CHMP2B: variants seen among roughly 807,000 people sequenced by gnomAD.
CHMP2B encodes VPS2 homolog B.
CHMP2B carries 22 observed loss-of-function variants against 29.8 expected under a neutral mutation model. That is an observed-to-expected ratio of 0.74 (90% CI 0.53 to 1.05). The LOEUF is 1.05. Among genes scored for constraint, CHMP2B ranks in the 50% least tolerant of loss-of-function variants. The pLI is 0.00. For synonymous variants in CHMP2B, 78 were observed against 75.8 expected, an observed-to-expected ratio of 1.03 and a Z score of -0.15; for missense variants, 261 against 252.2, an observed-to-expected ratio of 1.03 and a Z score of -0.24.
intron 5 of CHMP2B, 89 bp downstream of exon 5, chr3:87,253,599 G>A: frequency 2.2e-6 from 3 of 1,342,482 alleles, no homozygotes; most frequent in Admixed American, 1.7e-5. Context: ...GAGGTGCATG[G>A]TTTTTATTTC....
intron 3 of CHMP2B, among the ~76,000 whole-genome samples, chr3:87,249,124 A>T (rs1298608083): frequency 6.6e-6 from 1 of 152,166 alleles, no homozygotes; most frequent in Non-Finnish European, 1.5e-5. Flanking sequence ...GTCCTAGGCT[A>T]CACTGTACTG....
rs1407276314 is a variant in CHMP2B at position 87,253,439 on chromosome 3, G to A, written c.460G>A (p.Asp154Asn). Residue 154 changes from aspartate (D) to asparagine (N), a missense_variant, in exon 5 of 6, where the codon GAT becomes AAT. Asp to Asn is a conservative substitution (Grantham distance 23). Coordinates refer to ENST00000263780, the MANE Select transcript of CHMP2B (RefSeq NM_014043.4). Reference protein sequence around the residue: ...DTLDDIFDGSDDEEESQDIVN... With the variant: ...DTLDDIFDGSNDEEESQDIVN... Reference sequence around the variant, plus strand: ...ACTTGATGACATCTTTGACGGTTCTGATGACGAAGAAGAAAGCCAGGATAT... The same window carrying A: ...ACTTGATGACATCTTTGACGGTTCTAATGACGAAGAAGAAAGCCAGGATAT... The A allele has an allele frequency of 6.2e-7, 1 of 1,611,668 alleles. No homozygotes were observed. Among genetic ancestry groups the A allele is most frequent in the Admixed American group, 1.7e-5 (1 of 59,876 alleles).
At chr3:87,246,199 A>G (rs1308300703) in intron 3 of CHMP2B, among the ~76,000 whole-genome samples, 19 of 151,732 alleles carry the variant, frequency 1.3e-4, no homozygotes, top group Admixed American at 1.2e-3. Context: ...GTGCAGTGGC[A>G]AGATTTTGGC....
chr3:87,238,767 A>G (rs552115024), intron 1 of CHMP2B, among the ~76,000 whole-genome samples: 70 of 152,148 alleles, frequency 4.6e-4, no homozygotes, highest in Non-Finnish European at 8.1e-4. Flanking sequence ...ACATTCATGT[A>G]GAAGTATTTG....
chr3:87,227,476 T>TGGGCCGGACC lies in CHMP2B; in HGVS notation c.-40_-31dup, dbSNP rs757832453. ...TTTTCCTCCTGTCCTTTGCCAGCGT[T>TGGGCCGGACC]GGGCCGGACCGGGCCGAGCCGGGCC... On this transcript the variant is annotated 5_prime_UTR_variant, in exon 1 of 6. Coordinates refer to ENST00000263780, the MANE Select transcript of CHMP2B (RefSeq NM_014043.4). The TGGGCCGGACC allele has an allele frequency of 6.2e-7, 1 of 1,612,920 alleles. No homozygotes were observed. The highest frequency in any genetic ancestry group is 1.7e-5 in the Admixed American group (1 of 60,006).
At chr3:87,234,494 CTGGGTGGCCTTTTCTTA>C (rs947069361) in intron 1 of CHMP2B, among the ~76,000 whole-genome samples, 16 of 152,240 alleles carry the variant, frequency 1.1e-4, no homozygotes, top group African/African-American at 3.9e-4. Context: ...TGGAGCCGGC[CTGGGTGGCCTTTTCTTA>C]AGTGTTGTGC....
chr3:87,236,418 G>GA lies in CHMP2B; in HGVS notation c.35-4272dup, dbSNP rs199638463. Among the ~76,000 whole-genome samples, 286 of 150,774 alleles carry GA rather than the reference G, an allele frequency of 1.9e-3. 8 individuals are homozygous for GA. In the East Asian group the frequency reaches 0.047, roughly 25 times the overall value. On this transcript the variant is annotated intron_variant, in intron 1 of 5. Transcript: ENST00000263780. ...ATATTTTTAATATCACCCTCGTAAT[G>GA]AAAAAAAAATGTATGTAGATAGAAT...
At chr3:87,243,334 G>A (rs1407845941) in intron 2 of CHMP2B, among the ~76,000 whole-genome samples, 1 of 151,948 alleles carries the variant, frequency 6.6e-6, no homozygotes, top group Non-Finnish European at 1.5e-5. Context: ...AAGAATATCT[G>A]CACCTGTGTT....
chr3:87,236,069 T>C (rs2106896501), intron 1 of CHMP2B, among the ~76,000 whole-genome samples: 1 of 152,334 alleles, frequency 6.6e-6, no homozygotes, highest in South Asian at 2.1e-4. Flanking sequence ...GTGTGTGCCA[T>C]CTTCCTAGCA....
Position 87,234,110 on chromosome 3 carries a change from T to C in CHMP2B, c.34+6554T>C, listed in dbSNP as rs1454911730. Reference sequence around the variant, plus strand: ...ATAGTATTACTCACAAATTAATGAATGTCCATATTTATACTTGATAATTAC... The same window carrying C: ...ATAGTATTACTCACAAATTAATGAACGTCCATATTTATACTTGATAATTAC... On this transcript the variant is annotated intron_variant, in intron 1 of 5. Transcript: ENST00000263780. Among the ~76,000 whole-genome samples, 4 of 152,218 alleles carry C rather than the reference T, an allele frequency of 2.6e-5. No homozygotes were observed. In the East Asian group the frequency reaches 7.7e-4, roughly 29 times the overall value.
At chr3:87,243,446 G>A (rs1413711286) in intron 2 of CHMP2B, among the ~76,000 whole-genome samples, 1 of 151,894 alleles carries the variant, frequency 6.6e-6, no homozygotes, top group South Asian at 2.1e-4. Flanking sequence ...TTGCCCAGGC[G>A]GCAGTGCAGT....
chr3:87,238,439 G>A (rs1412902388), intron 1 of CHMP2B, among the ~76,000 whole-genome samples: 1 of 152,084 alleles, frequency 6.6e-6, no homozygotes, highest in Non-Finnish European at 1.5e-5. Flanking sequence ...ATAAAATCCT[G>A]TAACCATTAA....
chr3:87,240,668 TA>T, intron 1 of CHMP2B, 30 bp from the exon 2 acceptor site: 1 of 1,454,708 alleles, frequency 6.9e-7, no homozygotes, highest in Non-Finnish European at 9.7e-7. Flanking sequence ...TTACAACCCA[TA>T]AATTTAGGTT....
Position 87,240,719 on chromosome 3 carries a change from C to T in CHMP2B, c.55C>T (p.Arg19Ter), listed in dbSNP as rs780237778. Residue 19 changes from arginine (R) to a stop codon, truncating the protein, a stop_gained, in exon 2 of 6, where the codon CGA becomes TGA. Transcript: ENST00000263780. LOFTEE classifies it high-confidence loss of function. ...TVDDVIKEQN[R>*]ELRGTQRAII... Reference sequence around the variant, plus strand: ...CCTAGATGTAATAAAGGAACAGAATCGAGAGTTACGAGGTACACAGAGGGC... The same window carrying T: ...CCTAGATGTAATAAAGGAACAGAATTGAGAGTTACGAGGTACACAGAGGGC... The T allele has an allele frequency of 4.3e-6, 7 of 1,612,534 alleles. No individual in the cohort carries two copies. The highest frequency in any genetic ancestry group is 4.0e-5 in the African/African-American group (3 of 74,836).
intron 3 of CHMP2B, 60 bp from the exon 4 acceptor site, chr3:87,249,815 T>C: frequency 3.9e-6 from 4 of 1,035,450 alleles, no homozygotes; most frequent in Non-Finnish European, 6.0e-6. Context: ...TTTTGACTTA[T>C]TTCATAGTAA....
intron 4 of CHMP2B, among the ~76,000 whole-genome samples, chr3:87,251,838 C>T (rs1250295674): frequency 6.7e-6 from 1 of 149,322 alleles, no homozygotes; most frequent in East Asian, 2.0e-4. Flanking sequence ...CTTCTATCTA[C>T]TTCATTCATT....
chr3:87,239,700 A>C (rs893350427), intron 1 of CHMP2B, among the ~76,000 whole-genome samples: 1 of 152,222 alleles, frequency 6.6e-6, no homozygotes. Context: ...TAATTAAAAA[A>C]TACTTTAATT....
chr3:87,227,690 GC>G, intron 1 of CHMP2B, 134 bp downstream of exon 1: 1 of 1,120,792 alleles, frequency 8.9e-7, no homozygotes, highest in South Asian at 1.2e-5. Flanking sequence ...GACCGCCCTC[GC>G]GGCACCACTT....
intron 3 of CHMP2B, among the ~76,000 whole-genome samples, chr3:87,248,851 A>C (rs1706263350): frequency 6.6e-6 from 1 of 151,842 alleles, no homozygotes; most frequent in Admixed American, 6.6e-5. Flanking sequence ...TTTGCTTCAT[A>C]TCTTTGAAAT....
Sources: allele counts gnomAD v4.1 joint callset (sites outside exome capture counted in the v4.1 genomes callset), GRCh38; gene constraint gnomAD v4.1.1; transcripts MANE v1.5; gene names NCBI Gene and HGNC (gene_info 2026-07-23, HGNC 2026-07-21).